Variants in GLG1 observed in about 807,000 individuals in gnomAD.
GLG1 encodes the protein Golgi apparatus protein 1.
GLG1 carries 38 observed loss-of-function variants against 160.5 expected under a neutral mutation model. The observed-to-expected ratio is 0.24, with a 90% confidence interval of 0.18 to 0.31. GLG1 has a LOEUF of 0.31. Among genes scored for constraint, GLG1 ranks in the 10% least tolerant of loss-of-function variants. The pLI, the probability that GLG1 is intolerant of heterozygous loss-of-function variation, is 1.00. For missense variants in GLG1, 1,373 were observed against 1,505.2 expected, an observed-to-expected ratio of 0.91 and a Z score of 1.45; for synonymous variants, 644 against 543.4, an observed-to-expected ratio of 1.19 and a Z score of -2.57.
rs776369045 is a variant in GLG1, at chr16:74,474,555, T to A, written c.2043A>T (p.Leu681Phe). ...CRDIVGNLTELESEDIQIEAL... is the reference protein window; with the variant it reads ...CRDIVGNLTEFESEDIQIEAL... ...GCTGCATACCACTTACCTCTGATTC[T>A]AACTCAGTGAGGTTGCCAACTATAT... Residue 681 changes from leucine to phenylalanine, a missense_variant, in exon 13 of 26, where the codon TTA becomes TTT. Physicochemically the swap from Leu to Phe is conservative, Grantham distance 22. Coordinates refer to ENST00000422840, the MANE Select transcript of GLG1 (RefSeq NM_001145667.2). The A allele has an allele frequency of 2.0e-6, 3 of 1,501,578 alleles. No individual in the cohort carries two copies. In the East Asian group the frequency reaches 6.8e-5, roughly 34 times the overall value. 93.0% of individuals were successfully genotyped at this position (1,501,578 alleles called of 1,614,324 possible).
chr16:74,594,953 C>T (rs1958265389), intron 1 of GLG1, among the ~76,000 whole-genome samples: 1 of 152,112 alleles, frequency 6.6e-6, no homozygotes, highest in Non-Finnish European at 1.5e-5. Context: ...CTTTGGGAGG[C>T]AGAGGTGGGC....
intron 1 of GLG1, among the ~76,000 whole-genome samples, chr16:74,599,816 A>C (rs888697137): frequency 1.3e-5 from 2 of 151,760 alleles, no homozygotes; most frequent in Non-Finnish European, 2.9e-5. Context: ...GTGAGCCGAG[A>C]TCGCGCCACT....
chr16:74,511,776 G>C (rs558096360), intron 2 of GLG1, among the ~76,000 whole-genome samples: 2 of 152,034 alleles, frequency 1.3e-5, no homozygotes, highest in Non-Finnish European at 2.9e-5. Context: ...GCCAACAGAC[G>C]TTTAGATGAC....
At chr16:74,539,022 G>T (rs1191082798) in intron 1 of GLG1, among the ~76,000 whole-genome samples, 2 of 151,920 alleles carry the variant, frequency 1.3e-5, no homozygotes, top group Non-Finnish European at 2.9e-5. Flanking sequence ...GAAAGGTGGA[G>T]CACTAGGCTG....
chr16:74,468,902 C>G (rs1041817303), intron 17 of GLG1, 44 bp downstream of exon 17: 1 of 1,214,612 alleles, frequency 8.2e-7, no homozygotes, highest in Admixed American at 1.7e-5. Context: ...TTTCCAAGCC[C>G]TGGCCCACTG....
rs536372081 is a variant in GLG1, at chr16:74,563,659, A to G, written c.439-31506T>C. Among the ~76,000 whole-genome samples the G allele has an allele frequency of 2.1e-5, 3 of 141,198 alleles. No individual in the cohort carries two copies. The East Asian group carries it at 6.6e-4, about 31-fold the overall frequency. The allele number at this position is 141,198 out of a possible 152,430, so 92.6% of individuals were successfully genotyped here. A position where few individuals can be genotyped will look rare whatever the true frequency, so the allele number is the denominator to read the frequency against. On this transcript the variant is annotated intron_variant, in intron 1 of 25. Transcript: ENST00000422840. ...GGAGAACTGCTTGAACCCAGGAGGC[A>G]GAGGTTGCAGGGAGCCGAGATCACG... is the stretch of plus-strand genomic sequence containing the variant.
At chr16:74,459,866 TA>T in intron 22 of GLG1, 77 bp from the exon 23 acceptor site, 14 of 759,572 alleles carry the variant, frequency 1.8e-5, no homozygotes, top group South Asian at 9.2e-5. Flanking sequence ...TTTTTTTTTT[TA>T]TTTTTTGAAA....
At chr16:74,531,984 C>G in intron 2 of GLG1, 137 bp downstream of exon 2, 3 of 419,082 alleles carry the variant, frequency 7.2e-6, no homozygotes, top group Non-Finnish European at 1.3e-5. Context: ...TTACCAGCAT[C>G]CTTAAAGTTT....
At chr16:74,533,441 G>A (rs1344426616) in intron 1 of GLG1, among the ~76,000 whole-genome samples, 3 of 152,212 alleles carry the variant, frequency 2.0e-5, no homozygotes, top group East Asian at 1.9e-4. Context: ...TTCCTTGTTC[G>A]TGCCTTCAAA....
intron 1 of GLG1, among the ~76,000 whole-genome samples, chr16:74,580,103 G>C (rs996485540): frequency 5.3e-5 from 8 of 152,106 alleles, no homozygotes; most frequent in African/African-American, 1.9e-4. Context: ...TTTTCCAGAA[G>C]AGCTGAATCT....
chr16:74,526,642 T>C (rs529664483), intron 2 of GLG1, among the ~76,000 whole-genome samples: 7 of 152,310 alleles, frequency 4.6e-5, no homozygotes, highest in Non-Finnish European at 8.8e-5. Context: ...GAGGATCACT[T>C]GAGCCTGGGA....
chr16:74,495,412 CCT>C (rs2016150021), intron 5 of GLG1, among the ~76,000 whole-genome samples: 1 of 152,212 alleles, frequency 6.6e-6, no homozygotes, highest in Non-Finnish European at 1.5e-5. Flanking sequence ...CCGCACCCAG[CCT>C]CTGAGTCTTC....
chr16:74,542,986 C>T (rs1348809887), intron 1 of GLG1, among the ~76,000 whole-genome samples: 7 of 151,938 alleles, frequency 4.6e-5, no homozygotes, highest in Non-Finnish European at 8.8e-5. Flanking sequence ...GCAAAAAAGT[C>T]CTGAAATTAA....
At chr16:74,472,767 T>C in intron 13 of GLG1, 1 of 386,174 alleles carries the variant, frequency 2.6e-6, no homozygotes, top group Non-Finnish European at 5.1e-6. Flanking sequence ...GGGTAACTGA[T>C]ATCCATCTTC....
At chr16:74,586,542 A>T (rs1043354967) in intron 1 of GLG1, among the ~76,000 whole-genome samples, 88 of 151,786 alleles carry the variant, frequency 5.8e-4, no homozygotes, top group Admixed American at 2.6e-4. Context: ...TGGCACAATC[A>T]TAACTCACTG....
chr16:74,595,308 C>T (rs1958273135), intron 1 of GLG1, among the ~76,000 whole-genome samples: 1 of 151,116 alleles, frequency 6.6e-6, no homozygotes, highest in African/African-American at 2.4e-5. Flanking sequence ...GAGGCCGAGG[C>T]AGGCAGATCA....
At chr16:74,557,812 C>G (rs1567522452) in intron 1 of GLG1, among the ~76,000 whole-genome samples, 1 of 151,764 alleles carries the variant, frequency 6.6e-6, no homozygotes. Context: ...TCTTCAACTC[C>G]TGGGTTCAAG....
chr16:74,496,379 A>T, intron 5 of GLG1, 62 bp downstream of exon 5: 1 of 1,149,236 alleles, frequency 8.7e-7, no homozygotes, highest in Non-Finnish European at 1.3e-6. Context: ...AAATTAATTA[A>T]AACAAAATTA....
chr16:74,472,031 G>A (rs2015225564), intron 14 of GLG1, among the ~76,000 whole-genome samples: 1 of 151,940 alleles, frequency 6.6e-6, no homozygotes, highest in Non-Finnish European at 1.5e-5. Context: ...CTGCCCCCTA[G>A]GTAACTGGAA....
Sources: allele counts gnomAD v4.1 joint callset (sites outside exome capture counted in the v4.1 genomes callset), GRCh38; gene constraint gnomAD v4.1.1; transcripts MANE v1.5; gene names NCBI Gene and HGNC (gene_info 2026-07-23, HGNC 2026-07-21).